Variants in CCBE1 observed in about 807,000 individuals in gnomAD.
CCBE1 encodes collagen and calcium binding EGF domains 1, also known as collagen and calcium-binding EGF domain-containing protein 1.
In CCBE1, 37 loss-of-function variants were observed where a neutral mutation model predicts 50.0. That is an observed-to-expected ratio of 0.74 (90% confidence interval 0.57 to 0.97). The LOEUF (loss-of-function observed/expected upper bound fraction) is 0.97. Among genes scored for constraint, CCBE1 ranks in the 50% least tolerant of loss-of-function variants. The pLI, the probability that CCBE1 is intolerant of heterozygous loss-of-function variation, is 0.00. For missense variants in CCBE1, 538 were observed against 523.8 expected (o/e 1.03, Z -0.26); for synonymous variants, 234 against 203.7 (o/e 1.15, Z -1.27).
At chr18:59,606,141 CCATT>C (rs2053496224) in intron 2 of CCBE1, among the ~76,000 whole-genome samples, 1 of 152,164 alleles carries the variant, frequency 6.6e-6, no homozygotes, top group Non-Finnish European at 1.5e-5. Context: ...TCTTAACTGT[CCATT>C]CATTGTTTCG....
chr18:59,614,454 G>T (rs756797236), intron 2 of CCBE1, among the ~76,000 whole-genome samples: 1 of 152,172 alleles, frequency 6.6e-6, no homozygotes, highest in African/African-American at 2.4e-5. Flanking sequence ...ATAAAACAAT[G>T]GTGTCTTCCC....
intron 2 of CCBE1, among the ~76,000 whole-genome samples, chr18:59,646,111 G>C (rs2054052355): frequency 6.6e-6 from 1 of 152,124 alleles, no homozygotes; most frequent in African/African-American, 2.4e-5. Flanking sequence ...AAGGCTAATG[G>C]GGTCTACCCT....
rs537637686 is a variant in CCBE1, at chr18:59,436,078, C to T, written c.1051G>A (p.Glu351Lys). The T allele has an allele frequency of 1.2e-6, 2 of 1,614,156 alleles. No homozygotes were observed. The highest frequency in any genetic ancestry group is 1.3e-5 in the African/African-American group (1 of 75,036). The change falls in exon 11 of 11, where the codon GAG becomes AAG. Residue 351 changes from glutamate to lysine, a missense_variant. Coordinates refer to ENST00000439986, the MANE Select transcript of CCBE1 (RefSeq NM_133459.4). ...TGCCCGAACACCTTTTCCTGCAGCT[C>T]AGTGATGTCATTGCGGATGTCAGCC... is the stretch of plus-strand genomic sequence containing the variant. ...MLADIRNDIT[E>K]LQEKVFGHRT...
intron 2 of CCBE1, among the ~76,000 whole-genome samples, chr18:59,565,116 C>A (rs1599018596): frequency 2.0e-5 from 3 of 152,292 alleles, no homozygotes; most frequent in African/African-American, 7.2e-5. Flanking sequence ...AAGGGCCACC[C>A]TTCAGGGGAG....
At chr18:59,578,555 C>T (rs1259402184) in intron 2 of CCBE1, among the ~76,000 whole-genome samples, 1 of 152,198 alleles carries the variant, frequency 6.6e-6, no homozygotes, top group East Asian at 1.9e-4. Context: ...CCCAAATGCC[C>T]ATCAATGACA....
intron 2 of CCBE1, among the ~76,000 whole-genome samples, chr18:59,548,920 TG>T (rs1284531896): frequency 3.3e-5 from 5 of 151,946 alleles, no homozygotes; most frequent in African/African-American, 4.8e-5. Flanking sequence ...CTGGCCAACA[TG>T]GCAAAACCCC....
At chr18:59,651,662 G>C (rs1208228941) in intron 2 of CCBE1, among the ~76,000 whole-genome samples, 1 of 152,140 alleles carries the variant, frequency 6.6e-6, no homozygotes, top group Non-Finnish European at 1.5e-5. Flanking sequence ...ATTTTTCTAG[G>C]CAAGACCGTC....
chr18:59,594,992 G>C (rs1274669618), intron 2 of CCBE1, among the ~76,000 whole-genome samples: 1 of 151,764 alleles, frequency 6.6e-6, no homozygotes, highest in Non-Finnish European at 1.5e-5. Flanking sequence ...TGTACTTGTA[G>C]TCCCAGCTAC....
At chr18:59,636,388 T>C (rs1464091450) in intron 2 of CCBE1, among the ~76,000 whole-genome samples, 1 of 152,240 alleles carries the variant, frequency 6.6e-6, no homozygotes, top group Non-Finnish European at 1.5e-5. Context: ...AATAGGTCTA[T>C]GTGAAATGCA....
chr18:59,566,443 TAAAA>T (rs148890873), intron 2 of CCBE1, among the ~76,000 whole-genome samples: 2 of 148,140 alleles, frequency 1.4e-5, no homozygotes, highest in African/African-American at 5.0e-5. Context: ...GAAGCAAAAA[TAAAA>T]AAAAAATTAA....
chr18:59,584,236 AAACTATCGC>A (rs1301069346), intron 2 of CCBE1, among the ~76,000 whole-genome samples: 1 of 151,886 alleles, frequency 6.6e-6, no homozygotes, highest in Non-Finnish European at 1.5e-5. Context: ...CATTCTCAGT[AAACTATCGC>A]AAGGACAAAA....
At position 59,542,173 on chromosome 18, in the gene CCBE1, CAA is replaced by C. The variant is rs55950963; in HGVS notation, c.213-61937_213-61936del. ...TAAGTGACAGAGTGAGATCCTGTCTCAAAAAAAAAAAAAAAATTCCCTACAAT... is the reference window on the plus strand; with the variant it reads ...TAAGTGACAGAGTGAGATCCTGTCTCAAAAAAAAAAAAAATTCCCTACAAT... On this transcript the variant is annotated intron_variant, in intron 2 of 10. Coordinates refer to ENST00000439986, the MANE Select transcript of CCBE1 (RefSeq NM_133459.4). Among the ~76,000 whole-genome samples the C allele has an allele frequency of 1.9e-4, 26 of 134,926 alleles. No individual in the cohort carries two copies. In the East Asian group the frequency reaches 3.3e-3, roughly 17 times the overall value. The allele number at this position is 134,926 out of a possible 152,430, so 88.5% of individuals were successfully genotyped here.
chr18:59,660,595 C>T (rs2054270031), intron 2 of CCBE1, among the ~76,000 whole-genome samples: 1 of 152,102 alleles, frequency 6.6e-6, no homozygotes. Flanking sequence ...AAATACTGCC[C>T]AAGTTCTCAG....
intron 2 of CCBE1, among the ~76,000 whole-genome samples, chr18:59,535,997 T>G (rs1215745386): frequency 2.0e-5 from 3 of 152,224 alleles, no homozygotes; most frequent in Non-Finnish European, 2.9e-5. Flanking sequence ...TGGTGTGTAA[T>G]TCTATGAGGA....
rs777220192 is a variant in CCBE1 at position 59,439,527 on chromosome 18, C to T, written c.951+16G>A. 6.2e-7 allele frequency: 1 copy of T among 1,613,888 alleles called. No homozygotes were observed. Among genetic ancestry groups the T allele is most frequent in the South Asian group, 1.1e-5 (1 of 91,078 alleles). On this transcript the variant is annotated intron_variant, in intron 9 of 10. Coordinates refer to ENST00000439986, the MANE Select transcript of CCBE1 (RefSeq NM_133459.4). ...TGAGAGACCTTTAGCTTGTGAGGACCACTCATAAGGCTTACCTTAGAACCA... is the reference window on the plus strand; with the variant it reads ...TGAGAGACCTTTAGCTTGTGAGGACTACTCATAAGGCTTACCTTAGAACCA...
At position 59,645,806 on chromosome 18, in the gene CCBE1, C is replaced by T. The variant is rs573060782; in HGVS notation, c.212+50823G>A. Among the ~76,000 whole-genome samples, 12 of 152,222 alleles carry T rather than the reference C, an allele frequency of 7.9e-5. No homozygotes were observed. The East Asian group carries it at 1.4e-3, about 17-fold the overall frequency. On this transcript the variant is annotated intron_variant, in intron 2 of 10. Transcript: ENST00000439986. Reference sequence around the variant, plus strand: ...CAGCACTTTGGGAGGCCAAGGTGGGCGGATCACAAGATCAGGAGATCGAGA... The same window carrying T: ...CAGCACTTTGGGAGGCCAAGGTGGGTGGATCACAAGATCAGGAGATCGAGA...
rs2053257601 is a variant in CCBE1, at chr18:59,590,987, G to A, written c.212+105642C>T. Reference sequence around the variant, plus strand: ...AGGCCGGGCGCGGTGGCTCACGCTTGTAATCCCAGCACTTTGGGAGGCCGA... The same window carrying A: ...AGGCCGGGCGCGGTGGCTCACGCTTATAATCCCAGCACTTTGGGAGGCCGA... On this transcript the variant is annotated intron_variant, in intron 2 of 10. Transcript: ENST00000439986. Among the ~76,000 whole-genome samples the A allele has an allele frequency of 6.2e-5, 2 of 32,310 alleles. 1 individual carries two copies. Among genetic ancestry groups the A allele is most frequent in the Non-Finnish European group, 9.9e-5 (2 of 20,282 alleles). 21.2% of individuals were successfully genotyped at this position (32,310 alleles called of 152,430 possible). A position where few individuals can be genotyped will look rare whatever the true frequency, so the allele number is the denominator to read the frequency against.
chr18:59,519,972 C>A (rs1052511578), intron 2 of CCBE1, among the ~76,000 whole-genome samples: 3 of 152,214 alleles, frequency 2.0e-5, no homozygotes, highest in East Asian at 1.9e-4. Context: ...TGTCAAAGAT[C>A]GGATGGTTGT....
chr18:59,645,905 C>A (rs1239622846), intron 2 of CCBE1, among the ~76,000 whole-genome samples: 1 of 152,094 alleles, frequency 6.6e-6, no homozygotes, highest in African/African-American at 2.4e-5. Context: ...GTGGCGGGTG[C>A]CTGTAGTCCC....
Sources: allele counts gnomAD v4.1 joint callset (sites outside exome capture counted in the v4.1 genomes callset), GRCh38; gene constraint gnomAD v4.1.1; transcripts MANE v1.5; gene names NCBI Gene and HGNC (gene_info 2026-07-23, HGNC 2026-07-21).